Variants in PREX2 observed in about 807,000 individuals in gnomAD.
PREX2 encodes the protein phosphatidylinositol-3,4,5-trisphosphate dependent Rac exchange factor 2.
PREX2 carries 107 observed loss-of-function variants against 203.2 expected under a neutral mutation model. The ratio of observed to expected loss-of-function variants is 0.53; its 90% CI spans 0.45 to 0.62. The LOEUF is 0.62. PREX2 is among the 20% of genes least tolerant of loss of function. The pLI is 0.00. For synonymous variants in PREX2, 672 were observed against 663.6 expected, an observed-to-expected ratio of 1.01 and a Z score of -0.19; for missense variants, 1,777 against 1,955.9, an observed-to-expected ratio of 0.91 and a Z score of 1.72.
chr8:68,163,545 G>A (rs1375004913), intron 35 of PREX2, among the ~76,000 whole-genome samples: 4 of 152,106 alleles, frequency 2.6e-5, no homozygotes, highest in East Asian at 1.9e-4. Flanking sequence ...TTTCCAAATG[G>A]GCTTAAGGTG....
At chr8:67,992,043 G>T (rs1366317954) in intron 1 of PREX2, among the ~76,000 whole-genome samples, 3 of 152,190 alleles carry the variant, frequency 2.0e-5, no homozygotes, top group African/African-American at 7.2e-5. Context: ...CCCAAGCAAT[G>T]CATTAAGTAC....
chr8:68,093,590 C>T lies in PREX2; in HGVS notation c.2251-15C>T, dbSNP rs779342415. On this transcript the variant is annotated splice_polypyrimidine_tract_variant and intron_variant, in intron 20 of 39. Transcript: ENST00000288368. ...CACTAATACCTCTGAGGTTTCTTTC[C>T]CCCCTCATTTCCAGCAAGATTCCAT... The T allele has an allele frequency of 1.5e-6, 2 of 1,329,970 alleles. No homozygotes were observed. Among genetic ancestry groups the T allele is most frequent in the Non-Finnish European group, 2.1e-6 (2 of 936,420 alleles). The allele number at this position is 1,329,970 out of a possible 1,614,324, so 82.4% of individuals were successfully genotyped here.
intron 35 of PREX2, among the ~76,000 whole-genome samples, chr8:68,188,240 T>A (rs1324931501): frequency 6.6e-6 from 1 of 152,194 alleles, no homozygotes; most frequent in Non-Finnish European, 1.5e-5. Context: ...CTTACAAATG[T>A]GTGATCCTGG....
chr8:68,102,776 T>C (rs1194245567), intron 23 of PREX2: 2 of 512,538 alleles, frequency 3.9e-6, no homozygotes, highest in Admixed American at 4.0e-5. Context: ...GTTTCTGTAG[T>C]AAGACTGCTG....
chr8:68,122,832 C>G (rs1196098997), intron 30 of PREX2, among the ~76,000 whole-genome samples: 2 of 152,008 alleles, frequency 1.3e-5, no homozygotes, highest in East Asian at 3.9e-4. Flanking sequence ...ATTTCTTAAT[C>G]TTTATTTCTA....
At chr8:68,064,752 A>G (rs1554572783) in intron 11 of PREX2, among the ~76,000 whole-genome samples, 1 of 152,104 alleles carries the variant, frequency 6.6e-6, no homozygotes, top group Non-Finnish European at 1.5e-5. Context: ...TGTCGAGGTT[A>G]TTTGTATCTA....
intron 1 of PREX2, among the ~76,000 whole-genome samples, chr8:67,965,364 G>A (rs1805737977): frequency 6.6e-6 from 1 of 152,238 alleles, no homozygotes; most frequent in Non-Finnish European, 1.5e-5. Flanking sequence ...CTTCCTAACA[G>A]GTTTGAACCC....
At chr8:68,038,938 A>C (rs1295170603) in intron 7 of PREX2, among the ~76,000 whole-genome samples, 1 of 152,132 alleles carries the variant, frequency 6.6e-6, no homozygotes, top group South Asian at 2.1e-4. Flanking sequence ...TCCTAGGGCC[A>C]TACTTTTACC....
At chr8:68,062,009 A>G (rs570935934) in intron 11 of PREX2, among the ~76,000 whole-genome samples, 10 of 152,194 alleles carry the variant, frequency 6.6e-5, no homozygotes, top group Admixed American at 3.3e-4. Flanking sequence ...TTTGATGTTC[A>G]TTTCCTTTCT....
At chr8:68,069,207 T>C (rs1809115051) in intron 12 of PREX2, 71 bp downstream of exon 12, 6 of 752,784 alleles carry the variant, frequency 8.0e-6, no homozygotes, top group East Asian at 6.0e-5. Context: ...TAAAAGGTAG[T>C]TGAGAAACAT....
chr8:68,169,045 C>G (rs572663255), intron 35 of PREX2, among the ~76,000 whole-genome samples: 1 of 152,184 alleles, frequency 6.6e-6, no homozygotes, highest in South Asian at 2.1e-4. Context: ...GATATCCAGG[C>G]TGTGGCCACT....
intron 1 of PREX2, among the ~76,000 whole-genome samples, chr8:67,966,402 C>T (rs1483987701): frequency 8.6e-5 from 13 of 150,678 alleles, no homozygotes; most frequent in African/African-American, 2.9e-4. Flanking sequence ...TCCCTTAGTA[C>T]TGAATATGTG....
chr8:68,144,519 A>G (rs775099658), intron 33 of PREX2, among the ~76,000 whole-genome samples: 67 of 152,144 alleles, frequency 4.4e-4, no homozygotes, highest in Non-Finnish European at 7.8e-4. Context: ...AAAGGAATTG[A>G]CTTTTTTATA....
chr8:67,996,814 G>A (rs1305876741), intron 1 of PREX2, among the ~76,000 whole-genome samples: 1 of 152,038 alleles, frequency 6.6e-6, no homozygotes, highest in Non-Finnish European at 1.5e-5. Flanking sequence ...TAATTTTTCT[G>A]TAAGGAGTGA....
intron 10 of PREX2, among the ~76,000 whole-genome samples, chr8:68,060,249 C>T (rs1330205038): frequency 6.6e-6 from 1 of 152,112 alleles, no homozygotes; most frequent in Non-Finnish European, 1.5e-5. Flanking sequence ...GCCTGGGAAC[C>T]ACATTAAAGA....
At chr8:68,190,270 G>A (rs562547749) in intron 35 of PREX2, among the ~76,000 whole-genome samples, 50 of 151,986 alleles carry the variant, frequency 3.3e-4, no homozygotes, top group Admixed American at 2.7e-3. Context: ...TTGTTCCACC[G>A]ACATTAAAAT....
intron 15 of PREX2, 63 bp from the exon 16 acceptor site, chr8:68,080,380 C>A (rs926732692): frequency 1.4e-6 from 2 of 1,427,344 alleles, no homozygotes; most frequent in South Asian, 1.2e-5. Flanking sequence ...AATGTCACTG[C>A]TATTGAAAAT....
intron 1 of PREX2, among the ~76,000 whole-genome samples, chr8:67,987,994 A>G (rs1005631273): frequency 1.3e-5 from 2 of 152,210 alleles, no homozygotes; most frequent in African/African-American, 4.8e-5. Context: ...AAGAGCAGGT[A>G]TGCAAAGATA....
chr8:67,976,641 AGACAGAGAGAGAGAGACGG>A (rs1806110036), intron 1 of PREX2, among the ~76,000 whole-genome samples: 10 of 101,748 alleles, frequency 9.8e-5, no homozygotes, highest in East Asian at 4.9e-4. Flanking sequence ...GACGGGAGAG[AGACAGAGAGAGAGAGACGG>A]GAGAGAGACA....
Sources: allele counts gnomAD v4.1 joint callset (sites outside exome capture counted in the v4.1 genomes callset), GRCh38; gene constraint gnomAD v4.1.1; transcripts MANE v1.5; gene names NCBI Gene and HGNC (gene_info 2026-07-23, HGNC 2026-07-21).